CSMD3: variants seen among roughly 807,000 people sequenced by gnomAD.
The protein encoded by CSMD3 is CUB and sushi domain-containing protein 3.
A neutral mutation model predicts 435.2 loss-of-function variants in CSMD3; 177 were observed. That is an observed-to-expected ratio of 0.41 (90% confidence interval 0.36 to 0.46). CSMD3 has a LOEUF of 0.46. CSMD3 is among the 20% of genes least tolerant of loss of function. CSMD3 has a pLI of 0.34. For missense variants in CSMD3, 4,265 were observed against 4,504.6 expected, an observed-to-expected ratio of 0.95 and a Z score of 1.52; for synonymous variants, 1,656 against 1,520.5, an observed-to-expected ratio of 1.09 and a Z score of -2.07.
intron 10 of CSMD3, among the ~76,000 whole-genome samples, chr8:112,893,170 C>G (rs1207044170): frequency 1.3e-5 from 2 of 151,292 alleles, no homozygotes; most frequent in South Asian, 2.1e-4. Context: ...TTACTATGTA[C>G]CAGGCACTGT....
At chr8:113,169,239 AAG>A (rs2092222398) in intron 4 of CSMD3, among the ~76,000 whole-genome samples, 1 of 152,182 alleles carries the variant, frequency 6.6e-6, no homozygotes. Context: ...TAAAACTTGG[AAG>A]ATTTATTTTT....
chr8:113,252,412 A>G (rs1291880930), intron 3 of CSMD3, among the ~76,000 whole-genome samples: 1 of 152,112 alleles, frequency 6.6e-6, no homozygotes, highest in Non-Finnish European at 1.5e-5. Context: ...AAAAAATGCT[A>G]TATGAATGTC....
chr8:112,899,638 T>C (rs138321820), intron 10 of CSMD3, among the ~76,000 whole-genome samples: 17,360 of 118,256 alleles, frequency 0.15, 1,471 homozygotes, highest in Middle Eastern at 0.29. Context: ...TATATGTATA[T>C]ACATATATGT....
intron 67 of CSMD3, among the ~76,000 whole-genome samples, chr8:112,235,771 G>C (rs185248134): frequency 6.6e-6 from 1 of 152,186 alleles, no homozygotes; most frequent in African/African-American, 2.4e-5. Flanking sequence ...TCAATAGGAG[G>C]AAGATATAAA....
chr8:113,380,864 T>C (rs1013042739), intron 1 of CSMD3, among the ~76,000 whole-genome samples: 5 of 151,918 alleles, frequency 3.3e-5, no homozygotes, highest in African/African-American at 1.2e-4. Context: ...GAAAACCATG[T>C]CCTGATGTGC....
chr8:112,899,662 T>C (rs1278552470), intron 10 of CSMD3, among the ~76,000 whole-genome samples: 2,529 of 121,658 alleles, frequency 0.021, 100 homozygotes, highest in African/African-American at 0.073. Flanking sequence ...CGCAAATACA[T>C]ACACACACAC....
Position 113,173,726 on chromosome 8 carries a change from A to G in CSMD3, c.705T>C (p.Cys235=), listed in dbSNP as rs770031904. ...TASWDFPVPI[C]RAEDACGGTM... ...TTTAAAGTGTTTTCATTTTACCTCT[A>G]CAGATAGGAACAGGAAAATCCCACG... Residue 235 remains cysteine, a synonymous_variant, in exon 4 of 71, where the codon TGT becomes TGC. Coordinates refer to ENST00000297405, the MANE Select transcript of CSMD3 (RefSeq NM_198123.2). 3.1e-6 allele frequency: 5 copies of G among 1,608,344 alleles called. No individual in the cohort carries two copies. In the South Asian group the frequency reaches 5.5e-5, roughly 18 times the overall value.
intron 23 of CSMD3, among the ~76,000 whole-genome samples, chr8:112,576,457 A>T (rs1278226321): frequency 2.6e-5 from 4 of 152,132 alleles, no homozygotes; most frequent in Non-Finnish European, 5.9e-5. Context: ...CTGAAGATCA[A>T]AAACAAATTA....
chr8:113,233,083 C>T (rs112229958), intron 3 of CSMD3, among the ~76,000 whole-genome samples: 16 of 151,778 alleles, frequency 1.1e-4, no homozygotes, highest in African/African-American at 3.9e-4. Context: ...TTTTTGGAAG[C>T]TTAGTTTTGC....
intron 13 of CSMD3, among the ~76,000 whole-genome samples, chr8:112,749,107 T>C (rs1297119158): frequency 6.6e-6 from 1 of 152,294 alleles, no homozygotes; most frequent in African/African-American, 2.4e-5. Context: ...TTGAGCTTTT[T>C]TTCATATGTG....
intron 22 of CSMD3, among the ~76,000 whole-genome samples, chr8:112,598,555 C>T (rs895256139): frequency 5.3e-5 from 8 of 150,644 alleles, no homozygotes; most frequent in Non-Finnish European, 1.0e-4. Flanking sequence ...GAGCCCACAT[C>T]GCCAAGGCAA....
intron 18 of CSMD3, among the ~76,000 whole-genome samples, chr8:112,654,505 T>C (rs989413277): frequency 6.6e-6 from 1 of 152,260 alleles, no homozygotes; most frequent in Admixed American, 6.5e-5. Context: ...TTGTCAGCTC[T>C]CAGCTTCCAC....
intron 5 of CSMD3, among the ~76,000 whole-genome samples, chr8:113,047,114 G>A (rs991762512): frequency 6.6e-6 from 1 of 152,172 alleles, no homozygotes; most frequent in Non-Finnish European, 1.5e-5. Flanking sequence ...GAGGGAGGCT[G>A]GACATGCACT....
Position 112,507,003 on chromosome 8 carries a change from T to C in CSMD3, c.4757-174A>G, listed in dbSNP as rs140265049. 1.1e-3 allele frequency among the ~76,000 whole-genome samples: 165 copies of C among 152,294 alleles called. 1 individual carries two copies. The highest frequency in any genetic ancestry group is 4.1e-4 in the Non-Finnish European group (28 of 67,996). Reference sequence around the variant, plus strand: ...TGTTTCAAGAAAGACCATTAAAATATTGAATACATGCATACATACATGGAT... The same window carrying C: ...TGTTTCAAGAAAGACCATTAAAATACTGAATACATGCATACATACATGGAT... On this transcript the variant is annotated intron_variant, in intron 28 of 70. Transcript: ENST00000297405.
intron 47 of CSMD3, among the ~76,000 whole-genome samples, chr8:112,317,976 G>A (rs900864671): frequency 3.9e-5 from 6 of 152,032 alleles, no homozygotes; most frequent in African/African-American, 1.4e-4. Flanking sequence ...TGATAATTGT[G>A]TGTTAGGCAC....
chr8:113,339,451 G>T (rs2132833240), intron 1 of CSMD3, among the ~76,000 whole-genome samples: 1 of 152,002 alleles, frequency 6.6e-6, no homozygotes, highest in East Asian at 1.9e-4. Context: ...CCAAAAAAAT[G>T]CATTAAGTTA....
intron 38 of CSMD3, among the ~76,000 whole-genome samples, chr8:112,376,249 T>C (rs1828930548): frequency 6.6e-6 from 1 of 152,198 alleles, no homozygotes; most frequent in South Asian, 2.1e-4. Flanking sequence ...AGAAAAATAC[T>C]GTGACATGTC....
intron 3 of CSMD3, among the ~76,000 whole-genome samples, chr8:113,262,438 A>C (rs2093434731): frequency 6.6e-6 from 1 of 152,012 alleles, no homozygotes; most frequent in Non-Finnish European, 1.5e-5. Context: ...TATTGGCTCC[A>C]AGATTTCCAC....
At chr8:112,474,453 G>A (rs956062414) in intron 31 of CSMD3, among the ~76,000 whole-genome samples, 4 of 152,076 alleles carry the variant, frequency 2.6e-5, no homozygotes, top group African/African-American at 4.8e-5. Context: ...GTTCTTTGTC[G>A]ATTTAATAGG....
Sources: gnomAD v4.1 joint callset for allele counts (sites outside exome capture counted in the v4.1 genomes callset) on GRCh38, gnomAD v4.1.1 for gene constraint, MANE v1.5 for transcripts, NCBI Gene and HGNC (gene_info 2026-07-23, HGNC 2026-07-21) for gene names.